GPC6: variants seen among roughly 807,000 people sequenced by gnomAD.
GPC6 encodes the protein glypican 6, also known as glypican-6.
Under a neutral mutation model 55.2 loss-of-function variants are expected in GPC6, and 14 were observed. The ratio of observed to expected loss-of-function variants is 0.25; its 90% CI spans 0.17 to 0.40. GPC6 has a LOEUF of 0.40. Among genes scored for constraint, GPC6 ranks in the 10% least tolerant of loss-of-function variants. The pLI is 1.00. For missense variants in GPC6, 641 were observed against 708.5 expected, an observed-to-expected ratio of 0.90 and a Z score of 1.08; for synonymous variants, 278 against 259.6, an observed-to-expected ratio of 1.07 and a Z score of -0.68.
chr13:93,450,563 GTGGGGAC>G lies in GPC6; in HGVS notation c.161-94696_161-94690del, dbSNP rs573225439. On this transcript the variant is annotated intron_variant, in intron 1 of 8. Transcript: ENST00000377047. Reference sequence around the variant, plus strand: ...CAATACCACTCTCTTCTTTGCAGCTGTGGGGACTGGTCAAAGGTGTTTCTTTCTGATG... The same window carrying G: ...CAATACCACTCTCTTCTTTGCAGCTGTGGTCAAAGGTGTTTCTTTCTGATG... 7.9e-5 allele frequency among the ~76,000 whole-genome samples: 12 copies of G among 152,312 alleles called. 1 individual carries two copies. The South Asian group carries it at 2.5e-3, about 32-fold the overall frequency.
intron 1 of GPC6, among the ~76,000 whole-genome samples, chr13:93,487,336 C>T (rs890029977): frequency 6.6e-6 from 1 of 152,184 alleles, no homozygotes; most frequent in Non-Finnish European, 1.5e-5. Context: ...AGGTACTAAG[C>T]CTAGTTATTT....
rs79059330 is a variant in GPC6 at position 93,784,392 on chromosome 13, G to T, written c.320-45762G>T. ...ATCCAAACAATTCTACAGTACTAGGGCCCCTGAGCAAACAGAGATGTAGGG... is the reference window on the plus strand; with the variant it reads ...ATCCAAACAATTCTACAGTACTAGGTCCCCTGAGCAAACAGAGATGTAGGG... On this transcript the variant is annotated intron_variant, in intron 2 of 8. Coordinates refer to ENST00000377047, the MANE Select transcript of GPC6 (RefSeq NM_005708.5). 2.4e-4 allele frequency among the ~76,000 whole-genome samples: 37 copies of T among 152,140 alleles called. 1 individual carries two copies. In the South Asian group the frequency reaches 7.7e-3, roughly 32 times the overall value.
At chr13:94,117,386 G>A (rs1332928124) in intron 4 of GPC6, among the ~76,000 whole-genome samples, 1 of 152,088 alleles carries the variant, frequency 6.6e-6, no homozygotes, top group Non-Finnish European at 1.5e-5. Context: ...AACATCAAGG[G>A]TAGATGTTAT....
At chr13:93,941,739 A>G (rs1272645604) in intron 3 of GPC6, among the ~76,000 whole-genome samples, 2 of 152,208 alleles carry the variant, frequency 1.3e-5, no homozygotes, top group African/African-American at 2.4e-5. Flanking sequence ...AAGAAATAGT[A>G]TATCTATCAA....
chr13:93,474,349 G>A lies in GPC6; in HGVS notation c.161-70914G>A, dbSNP rs78334666. Among the ~76,000 whole-genome samples the A allele has an allele frequency of 5.2e-3, 798 of 152,176 alleles. 7 individuals carry two copies. Among genetic ancestry groups the A allele is most frequent in the Non-Finnish European group, 8.3e-3 (564 of 68,016 alleles). On this transcript the variant is annotated intron_variant, in intron 1 of 8. Coordinates refer to ENST00000377047, the MANE Select transcript of GPC6 (RefSeq NM_005708.5). Reference sequence around the variant, plus strand: ...TGAATAGGATCAAGTCTACATTTAGGGAGCTGTAGATGAGCCCAGGTGTTT... The same window carrying A: ...TGAATAGGATCAAGTCTACATTTAGAGAGCTGTAGATGAGCCCAGGTGTTT...
intron 3 of GPC6, 75 bp downstream of exon 3, chr13:93,830,620 A>G (rs1412725590): frequency 8.1e-7 from 1 of 1,227,272 alleles, no homozygotes; most frequent in Non-Finnish European, 1.1e-6. Context: ...TTTAAAAAAA[A>G]AAAAAAAAAA....
At chr13:93,551,165 A>G (rs1347240826) in intron 2 of GPC6, among the ~76,000 whole-genome samples, 1 of 152,176 alleles carries the variant, frequency 6.6e-6, no homozygotes, top group Non-Finnish European at 1.5e-5. Flanking sequence ...CAAGTCCACA[A>G]AGTCTGTCAG....
intron 1 of GPC6, chr13:93,395,026 G>A (rs572056261): frequency 2.8e-4 from 69 of 242,180 alleles, no homozygotes; most frequent in African/African-American, 1.5e-3. Flanking sequence ...TCCCTCCAAA[G>A]TGTCCTCCCT....
intron 4 of GPC6, among the ~76,000 whole-genome samples, chr13:94,141,733 A>G (rs1390860127): frequency 6.6e-6 from 1 of 152,212 alleles, no homozygotes; most frequent in African/African-American, 2.4e-5. Context: ...AAAATGGAGA[A>G]AAGAATCAGA....
chr13:93,569,695 CATT>C (rs1375023133), intron 2 of GPC6, among the ~76,000 whole-genome samples: 1 of 151,956 alleles, frequency 6.6e-6, no homozygotes, highest in African/African-American at 2.4e-5. Context: ...ATTAATAACT[CATT>C]AACATCAAGA....
At chr13:93,517,123 T>C (rs1467558937) in intron 1 of GPC6, among the ~76,000 whole-genome samples, 1 of 152,138 alleles carries the variant, frequency 6.6e-6, no homozygotes, top group Non-Finnish European at 1.5e-5. Flanking sequence ...CACCAAACGT[T>C]AAAGAGAAAT....
intron 5 of GPC6, among the ~76,000 whole-genome samples, chr13:94,298,937 C>T (rs1016643685): frequency 6.6e-6 from 1 of 152,172 alleles, no homozygotes; most frequent in African/African-American, 2.4e-5. Context: ...CATTGTCTTT[C>T]CTTTCCTATC....
chr13:93,728,139 A>T (rs761432447), intron 2 of GPC6, among the ~76,000 whole-genome samples: 5 of 152,088 alleles, frequency 3.3e-5, no homozygotes, highest in Non-Finnish European at 7.4e-5. Flanking sequence ...CTGTACCAAC[A>T]CTGTTCATCC....
chr13:93,300,675 G>A (rs2139093321), intron 1 of GPC6, among the ~76,000 whole-genome samples: 1 of 149,852 alleles, frequency 6.7e-6, no homozygotes, highest in African/African-American at 2.5e-5. Flanking sequence ...GAATAGGAAT[G>A]AGGCCAAGAG....
intron 4 of GPC6, among the ~76,000 whole-genome samples, chr13:94,070,326 T>C (rs1040011892): frequency 6.6e-6 from 1 of 152,194 alleles, no homozygotes; most frequent in African/African-American, 2.4e-5. Context: ...CATGTAGGAA[T>C]TGTCGGAGTT....
At chr13:94,136,864 T>C (rs1293574726) in intron 4 of GPC6, among the ~76,000 whole-genome samples, 1 of 152,080 alleles carries the variant, frequency 6.6e-6, no homozygotes, top group East Asian at 1.9e-4. Flanking sequence ...ACTTTGCAGA[T>C]AGGGAGAAAA....
intron 2 of GPC6, among the ~76,000 whole-genome samples, chr13:93,627,810 A>G (rs1427488182): frequency 1.3e-5 from 2 of 151,994 alleles, no homozygotes; most frequent in African/African-American, 4.8e-5. Context: ...CTTTTGTTTT[A>G]TTTTGTTTTT....
At chr13:94,188,427 A>G (rs1412818763) in intron 4 of GPC6, among the ~76,000 whole-genome samples, 1 of 152,188 alleles carries the variant, frequency 6.6e-6, no homozygotes, top group Admixed American at 6.5e-5. Context: ...GAAGATTTTT[A>G]TCATAACAAA....
intron 1 of GPC6, among the ~76,000 whole-genome samples, chr13:93,501,087 C>T (rs1033931277): frequency 6.6e-6 from 1 of 152,058 alleles, no homozygotes; most frequent in African/African-American, 2.4e-5. Context: ...CACCTGCAGT[C>T]AGTCAATTAT....
Sources: gnomAD v4.1 joint callset for allele counts (sites outside exome capture counted in the v4.1 genomes callset) on GRCh38, gnomAD v4.1.1 for gene constraint, MANE v1.5 for transcripts, NCBI Gene and HGNC (gene_info 2026-07-23, HGNC 2026-07-21) for gene names.